Variants in ZIM2 observed in about 807,000 individuals in gnomAD.
ZIM2 encodes zinc finger protein 656.
ZIM2 carries 14 observed loss-of-function variants against 38.6 expected under a neutral mutation model. That is an observed-to-expected ratio of 0.36 (90% confidence interval 0.24 to 0.57). ZIM2 has a LOEUF of 0.57. Among genes scored for constraint, ZIM2 ranks in the 20% least tolerant of loss-of-function variants. The pLI is 0.81. For synonymous variants in ZIM2, 247 were observed against 245.8 expected (o/e 1.00, Z -0.04); for missense variants, 680 against 695.1 (o/e 0.98, Z 0.24).
intron 12 of ZIM2, among the ~76,000 whole-genome samples, chr19:56,778,553 T>C (rs1230718684): frequency 6.6e-6 from 1 of 152,232 alleles, no homozygotes; most frequent in African/African-American, 2.4e-5. Flanking sequence ...CAGCTCTTTC[T>C]TGCTCCTTTT....
intron 9 of ZIM2, among the ~76,000 whole-genome samples, chr19:56,796,006 C>T (rs866588586): frequency 6.6e-6 from 1 of 152,290 alleles, no homozygotes. Context: ...CCCTTCCTCA[C>T]ACCACGTGTG....
chr19:56,789,852 C>T lies in ZIM2; in HGVS notation c.570+20G>A, dbSNP rs1469268245. 1 of 1,532,242 alleles carries T rather than the reference C, an allele frequency of 6.5e-7. No homozygotes were observed. Among genetic ancestry groups the T allele is most frequent in the Non-Finnish European group, 8.9e-7 (1 of 1,126,222 alleles). 94.9% of individuals were successfully genotyped at this position (1,532,242 alleles called of 1,614,324 possible). A position where few individuals can be genotyped will look rare whatever the true frequency, so the allele number is the denominator to read the frequency against. ...AGATCCCCATATTTGATAACCATGTCAGAGGAAAGCCTGACTCACCTGGGA... is the reference window on the plus strand; with the variant it reads ...AGATCCCCATATTTGATAACCATGTTAGAGGAAAGCCTGACTCACCTGGGA... On this transcript the variant is annotated intron_variant, in intron 10 of 12. Coordinates refer to ENST00000629319, the MANE Select transcript of ZIM2 (RefSeq NM_001387356.1).
chr19:56,817,617 C>T (rs1402323627), intron 9 of ZIM2, 129 bp downstream of exon 9: 2 of 1,554,458 alleles, frequency 1.3e-6, no homozygotes, highest in East Asian at 4.5e-5. Context: ...TCCCTAGTCC[C>T]CATAAGAAGG....
At chr19:56,821,528 C>T (rs1464201250) in intron 7 of ZIM2, 123 bp downstream of exon 7, 14 of 1,176,318 alleles carry the variant, frequency 1.2e-5, no homozygotes, top group South Asian at 1.4e-5. Flanking sequence ...CCTCCTGGAG[C>T]GCTGGGACTC....
intron 11 of ZIM2, 137 bp from the exon 12 acceptor site, chr19:56,779,609 C>A (rs1458389940): frequency 3.9e-6 from 3 of 764,768 alleles, no homozygotes; most frequent in Non-Finnish European, 6.3e-6. Flanking sequence ...AGAGATTTTA[C>A]CCCCTAAGGG....
At chr19:56,810,473 G>A (rs774612372) in intron 9 of ZIM2, 18 of 984,806 alleles carry the variant, frequency 1.8e-5, no homozygotes, top group Non-Finnish European at 2.0e-5. Flanking sequence ...TCACAGACTA[G>A]TGCACAGATC....
chr19:56,782,235 TTG>T (rs1326787066), intron 10 of ZIM2, 114 bp from the exon 11 acceptor site: 10 of 1,391,540 alleles, frequency 7.2e-6, no homozygotes, highest in Non-Finnish European at 9.7e-6. Flanking sequence ...GCACCTGGCA[TTG>T]CATCTTTCTT....
chr19:56,789,600 A>G (rs2046816359), intron 10 of ZIM2, among the ~76,000 whole-genome samples: 1 of 152,216 alleles, frequency 6.6e-6, no homozygotes, highest in Non-Finnish European at 1.5e-5. Context: ...AAAATATTAA[A>G]TATATAGTAT....
At chr19:56,840,448 C>T (rs2062880281) in intron 1 of ZIM2, 134 bp downstream of exon 1, 1 of 152,268 alleles carries the variant, frequency 6.6e-6, no homozygotes, top group Admixed American at 6.5e-5. Context: ...TCCGCCAGCC[C>T]GCCCTGCCAC....
intron 10 of ZIM2, 112 bp from the exon 11 acceptor site, chr19:56,782,233 C>A: frequency 7.2e-7 from 1 of 1,389,826 alleles, no homozygotes; most frequent in Admixed American, 2.2e-5. Flanking sequence ...AGGCACCTGG[C>A]ATTGCATCTT....
At chr19:56,818,375 C>G (rs2060177062) in intron 8 of ZIM2, among the ~76,000 whole-genome samples, 1 of 152,212 alleles carries the variant, frequency 6.6e-6, no homozygotes, top group African/African-American at 2.4e-5. Flanking sequence ...CATCTCCCTG[C>G]TTGTCCCCAC....
rs756403004 is a variant in ZIM2 at position 56,774,892 on chromosome 19, G to A, written c.1473C>T (p.Tyr491=). Residue 491 remains tyrosine (Y), a synonymous_variant, in exon 13 of 13, where the codon TAC becomes TAT. Transcript: ENST00000629319. ...YLIRYQRKHD[Y]VGERACQCCD... is the part of the protein sequence containing the mutation. The stretch of plus-strand genomic sequence containing the variant: ...AACACTGGCAGGCTCTCTCTCCAAC[G>A]TAGTCATGTTTCCGCTGATAACGAA... The A allele has an allele frequency of 9.9e-6, 16 of 1,614,048 alleles. No individual in the cohort carries two copies. The Admixed American group carries it at 1.2e-4, about 12-fold the overall frequency.
At chr19:56,811,847 CA>C in intron 9 of ZIM2, 1 of 985,618 alleles carries the variant, frequency 1.0e-6, no homozygotes, top group African/African-American at 1.7e-5. Flanking sequence ...TGGCCTTCTA[CA>C]GTTCTTGCCT....
intron 1 of ZIM2, among the ~76,000 whole-genome samples, chr19:56,837,304 C>T (rs1034130807): frequency 6.6e-6 from 1 of 152,088 alleles, no homozygotes; most frequent in African/African-American, 2.4e-5. Context: ...CATGCACTGC[C>T]CCTCTCAGGA....
chr19:56,783,898 C>A (rs954024946), intron 10 of ZIM2, among the ~76,000 whole-genome samples: 5 of 152,160 alleles, frequency 3.3e-5, no homozygotes, highest in Admixed American at 6.5e-5. Flanking sequence ...AGGATACTTA[C>A]CTTCCTTAGC....
intron 9 of ZIM2, among the ~76,000 whole-genome samples, chr19:56,797,313 T>C (rs970991725): frequency 2.0e-5 from 3 of 151,216 alleles, no homozygotes; most frequent in Admixed American, 6.6e-5. Context: ...AATAAATAAA[T>C]AAACAAATAA....
chr19:56,835,244 C>A (rs1381841791), intron 2 of ZIM2, among the ~76,000 whole-genome samples: 1 of 152,164 alleles, frequency 6.6e-6, no homozygotes, highest in Admixed American at 6.5e-5. Flanking sequence ...CATGATACTC[C>A]CATGGTTAAA....
At chr19:56,808,801 C>T (rs2047903356) in intron 9 of ZIM2, among the ~76,000 whole-genome samples, 1 of 152,146 alleles carries the variant, frequency 6.6e-6, no homozygotes, top group Non-Finnish European at 1.5e-5. Flanking sequence ...CCACAAGGCA[C>T]TGGGGTGGAT....
In ZIM2 at chr19:56,821,561, G is replaced by A; in HGVS notation, c.294+90C>T. The A allele has an allele frequency of 4.0e-6, 6 of 1,499,742 alleles. No homozygotes were observed. The South Asian group carries it at 7.1e-5, about 18-fold the overall frequency. The allele number at this position is 1,499,742 out of a possible 1,614,324, so 92.9% of individuals were successfully genotyped here. A position where few individuals can be genotyped will look rare whatever the true frequency, so the allele number is the denominator to read the frequency against. On this transcript the variant is annotated intron_variant, in intron 7 of 12. Transcript: ENST00000629319. Reference sequence around the variant, plus strand: ...CTCTCACCCCAGCTGGACTCTAGGGGGCAGATAAACACACCATCTGGGGAA... The same window carrying A: ...CTCTCACCCCAGCTGGACTCTAGGGAGCAGATAAACACACCATCTGGGGAA...
Sources: allele counts gnomAD v4.1 joint callset (sites outside exome capture counted in the v4.1 genomes callset), GRCh38; gene constraint gnomAD v4.1.1; transcripts MANE v1.5; gene names NCBI Gene and HGNC (gene_info 2026-07-23, HGNC 2026-07-21).